Variants in MKLN1 observed in about 807,000 individuals in gnomAD.
MKLN1 encodes the protein muskelin.
MKLN1 carries 18 observed loss-of-function variants against 99.0 expected under a neutral mutation model. The ratio of observed to expected loss-of-function variants is 0.18; its 90% CI spans 0.13 to 0.27. The LOEUF (loss-of-function observed/expected upper bound fraction) is 0.27. MKLN1 is among the 10% of genes least tolerant of loss of function. The probability of loss-of-function intolerance (pLI) is 1.00; values close to 1 mark genes in which losing one functional copy is unlikely to be tolerated. For synonymous variants in MKLN1, 288 were observed against 293.2 expected, an observed-to-expected ratio of 0.98 and a Z score of 0.18; for missense variants, 621 against 875.9, an observed-to-expected ratio of 0.71 and a Z score of 3.67.
At chr7:131,159,271 C>G (rs1796013249) in intron 2 of MKLN1, among the ~76,000 whole-genome samples, 1 of 152,114 alleles carries the variant, frequency 6.6e-6, no homozygotes, top group Non-Finnish European at 1.5e-5. Context: ...ATCAGGTTCA[C>G]TTATGAAATA....
chr7:131,407,038 C>G (rs1250056170), intron 6 of MKLN1, among the ~76,000 whole-genome samples: 1 of 151,908 alleles, frequency 6.6e-6, no homozygotes, highest in Non-Finnish European at 1.5e-5. Flanking sequence ...TTTATTTTCT[C>G]CTTTATCTTT....
At chr7:131,206,869 T>G (rs182406031) in intron 3 of MKLN1, among the ~76,000 whole-genome samples, 80 of 152,176 alleles carry the variant, frequency 5.3e-4, no homozygotes, top group South Asian at 2.3e-3. Context: ...CTATAGTATA[T>G]TTTGGGAGGC....
At position 131,172,476 on chromosome 7, in the gene MKLN1, C is replaced by T. The variant is rs375931259; in HGVS notation, c.-297+29535C>T. 3.1e-3 allele frequency among the ~76,000 whole-genome samples: 468 copies of T among 151,306 alleles called. 16 individuals are homozygous for T. The East Asian group carries it at 0.08, about 26-fold the overall frequency. On this transcript the variant is annotated intron_variant, in intron 2 of 7. Transcript: ENST00000416992. ...GACTACAGGCACCCGCCACCACGCC[C>T]GGCTAATTTTTTGTATTTTTAGTAG...
At chr7:131,186,129 T>C (rs1796447058) in intron 2 of MKLN1, among the ~76,000 whole-genome samples, 1 of 151,974 alleles carries the variant, frequency 6.6e-6, no homozygotes, top group African/African-American at 2.4e-5. Context: ...AGGTGGAGGT[T>C]GCAATGAGCC....
intron 3 of MKLN1, among the ~76,000 whole-genome samples, chr7:131,286,318 G>T (rs2116589696): frequency 6.6e-6 from 1 of 152,272 alleles, no homozygotes; most frequent in Non-Finnish European, 1.5e-5. Context: ...TTCCTAAGAA[G>T]ATATCAGTCC....
intron 12 of MKLN1, among the ~76,000 whole-genome samples, chr7:131,456,460 T>C (rs1023332879): frequency 2.0e-5 from 3 of 152,122 alleles, no homozygotes; most frequent in Non-Finnish European, 4.4e-5. Flanking sequence ...CTCCCCCAGA[T>C]TACCCTTCAG....
In MKLN1 at chr7:131,466,268, TA is replaced by T; in HGVS notation, c.1789-7del. On this transcript the variant is annotated splice_polypyrimidine_tract_variant and splice_region_variant and intron_variant, in intron 14 of 17. Coordinates refer to ENST00000352689, the MANE Select transcript of MKLN1 (RefSeq NM_013255.5). ...TTTTAAAAATCTGGCTTATTTTGCT[TA>T]TTATAGGTTCATTACTTATTTGGTG... 1.3e-6 allele frequency: 2 copies of T among 1,570,902 alleles called. No homozygotes were observed. Among genetic ancestry groups the T allele is most frequent in the Non-Finnish European group, 1.7e-6 (2 of 1,155,120 alleles).
intron 3 of MKLN1, among the ~76,000 whole-genome samples, chr7:131,255,001 C>T (rs1184462387): frequency 6.6e-6 from 1 of 152,152 alleles, no homozygotes. Flanking sequence ...AAGGGATCCT[C>T]CTTCCTCAGC....
chr7:131,359,083 C>T (rs1186065366), intron 1 of MKLN1, among the ~76,000 whole-genome samples: 1 of 151,918 alleles, frequency 6.6e-6, no homozygotes, highest in East Asian at 1.9e-4. Context: ...TTGCTTTTCT[C>T]TAGTTTCCTA....
At position 131,377,139 on chromosome 7, in the gene MKLN1, T is replaced by C. The variant is rs1051769854; in HGVS notation, c.168+1646T>C. 3.3e-5 allele frequency among the ~76,000 whole-genome samples: 5 copies of C among 152,200 alleles called. No homozygotes were observed. The East Asian group carries it at 9.6e-4, about 29-fold the overall frequency. On this transcript the variant is annotated intron_variant, in intron 2 of 17. Transcript: ENST00000352689. ...ATACAAGCTGCTGTGAACATTCTTA[T>C]ATGTTGTCTCCTGGTACACATGTGT... is the stretch of plus-strand genomic sequence containing the variant.
Position 131,160,039 on chromosome 7 carries a change from GA to G in MKLN1, c.-297+17108del, listed in dbSNP as rs370902208. On this transcript the variant is annotated intron_variant, in intron 2 of 7. Transcript: ENST00000416992. The stretch of plus-strand genomic sequence containing the variant: ...GCTCCAGAACACTTCCGTCATCCTA[GA>G]AAAAAAAAACTCCCATGCCTGGTAG... Among the ~76,000 whole-genome samples, 585 of 148,510 alleles carry G rather than the reference GA, an allele frequency of 3.9e-3. 5 individuals carry two copies. Among genetic ancestry groups the G allele is most frequent in the African/African-American group, 0.013 (546 of 40,600 alleles).
At chr7:131,172,116 T>A (rs1796224192) in intron 2 of MKLN1, among the ~76,000 whole-genome samples, 1 of 151,870 alleles carries the variant, frequency 6.6e-6, no homozygotes, top group African/African-American at 2.4e-5. Context: ...CACAAGAATT[T>A]ATTTATTTAT....
chr7:131,296,193 G>A (rs947480676), intron 3 of MKLN1, among the ~76,000 whole-genome samples: 1 of 152,158 alleles, frequency 6.6e-6, no homozygotes, highest in East Asian at 1.9e-4. Flanking sequence ...AATGACATGT[G>A]TATAAGGATA....
chr7:131,469,346 A>G (rs10279578), intron 15 of MKLN1, among the ~76,000 whole-genome samples: 3,014 of 152,252 alleles, frequency 0.02, 81 homozygotes, highest in African/African-American at 0.066. Flanking sequence ...TCAGATTATC[A>G]AAGAGAAAGA....
chr7:131,244,445 C>T (rs1257642205), intron 3 of MKLN1, among the ~76,000 whole-genome samples: 1 of 152,158 alleles, frequency 6.6e-6, no homozygotes, highest in African/African-American at 2.4e-5. Context: ...TCCCCTCTCA[C>T]AGGCTTCTTG....
chr7:131,453,166 A>T (rs1796233894), intron 12 of MKLN1, among the ~76,000 whole-genome samples: 1 of 152,210 alleles, frequency 6.6e-6, no homozygotes, highest in Non-Finnish European at 1.5e-5. Flanking sequence ...TTATATTTTT[A>T]GATATGATAT....
chr7:131,382,982 C>T (rs1793898160), intron 2 of MKLN1, among the ~76,000 whole-genome samples: 1 of 152,094 alleles, frequency 6.6e-6, no homozygotes, highest in South Asian at 2.1e-4. Context: ...CTTGGCCTCC[C>T]AAAGTTCTGG....
At chr7:131,297,535 G>A (rs1477808551) in intron 3 of MKLN1, among the ~76,000 whole-genome samples, 2 of 151,952 alleles carry the variant, frequency 1.3e-5, no homozygotes, top group Non-Finnish European at 2.9e-5. Context: ...CAGGCCTTGA[G>A]TATGTGTAGA....
intron 1 of MKLN1, among the ~76,000 whole-genome samples, chr7:131,335,490 G>C (rs528885535): frequency 6.6e-6 from 1 of 152,190 alleles, no homozygotes; most frequent in South Asian, 2.1e-4. Flanking sequence ...CAGCTAACTA[G>C]ATTGAAGTAC....
Sources: allele counts gnomAD v4.1 joint callset (sites outside exome capture counted in the v4.1 genomes callset), GRCh38; gene constraint gnomAD v4.1.1; transcripts MANE v1.5; gene names NCBI Gene and HGNC (gene_info 2026-07-23, HGNC 2026-07-21).